The following ZMYM2 variants were observed in gnomAD, a reference collection of about 807,000 sequenced individuals.
ZMYM2 encodes zinc finger MYM-type containing 2.
In ZMYM2, 56 loss-of-function variants were observed where a neutral mutation model predicts 162.8. The ratio of observed to expected loss-of-function variants is 0.34; its 90% CI spans 0.28 to 0.43. The LOEUF is 0.43. Among genes scored for constraint, ZMYM2 ranks in the 20% least tolerant of loss-of-function variants. The probability of loss-of-function intolerance (pLI) is 1.00; values close to 1 mark genes in which losing one functional copy is unlikely to be tolerated. For missense variants in ZMYM2, 1,275 were observed against 1,621.8 expected (o/e 0.79, Z 3.67); for synonymous variants, 510 against 541.6 (o/e 0.94, Z 0.81).
the ZMYM2 span, among the ~76,000 whole-genome samples, chr13:19,917,756 T>C: frequency 6.6e-6 from 1 of 152,124 alleles, no homozygotes; most frequent in African/African-American, 2.4e-5. Flanking sequence ...TATTCATGAA[T>C]ATAGTATGAA....
chr13:20,011,887 T>G (rs990373234), intron 6 of ZMYM2, among the ~76,000 whole-genome samples: 20 of 152,088 alleles, frequency 1.3e-4, no homozygotes, highest in African/African-American at 4.6e-4. Flanking sequence ...TAGCTGGGAT[T>G]ACAGGCGCAC....
intron 9 of ZMYM2, among the ~76,000 whole-genome samples, chr13:20,028,823 TA>T (rs1471745025): frequency 6.6e-6 from 1 of 151,730 alleles, no homozygotes; most frequent in African/African-American, 2.4e-5. Context: ...TTTTTTTTTT[TA>T]ATTTTTGATC....
Position 20,067,321 on chromosome 13 carries a change from G to C in ZMYM2, c.3384G>C (p.Glu1128Asp). Residue 1128 changes from glutamate (E) to aspartate (D), a missense_variant, in exon 21 of 25, where the codon GAG (glutamate) becomes GAC (aspartate). Glu to Asp is a conservative substitution (Grantham distance 45, BLOSUM62 2). Transcript: ENST00000610343. ...LNYGLAHFVN[E>D]IRRPNGENYA... ...ATGGGTTAGCTCATTTTGTCAATGA[G>C]ATCCGACGGCCAAATGGAGAGAATT... 6.2e-7 allele frequency: 1 copy of C among 1,608,394 alleles called. No homozygotes were observed. Among genetic ancestry groups the C allele is most frequent in the South Asian group, 1.1e-5 (1 of 89,532 alleles).
intron 15 of ZMYM2, chr13:20,058,934 T>A: frequency 1.5e-6 from 1 of 646,520 alleles, no homozygotes; most frequent in Non-Finnish European, 2.7e-6. Flanking sequence ...ATGTCAAAAG[T>A]GAAAAAATAC....
At chr13:20,058,025 G>GACTGCATCTGT in intron 14 of ZMYM2, among the ~76,000 whole-genome samples, 1 of 152,202 alleles carries the variant, frequency 6.6e-6, no homozygotes. Context: ...ATATCTGAGA[G>GACTGCATCTGT]ACTGCATCTG....
In ZMYM2 at chr13:20,088,406, T is replaced by C. The variant is rs896224562; in HGVS notation, c.*2392T>C. ...GATTATAGATAGCATCCTGTAAATA[T>C]AACTTTATTGTCTTGAAATGTTTAT... On this transcript the variant is annotated 3_prime_UTR_variant, in exon 25 of 25. Transcript: ENST00000610343. 4 of 201,528 alleles carry C rather than the reference T, an allele frequency of 2.0e-5. No homozygotes were observed. The highest frequency in any genetic ancestry group is 9.2e-5 in the African/African-American group (4 of 43,626). 12.5% of individuals were successfully genotyped at this position (201,528 alleles called of 1,614,324 possible). A position where few individuals can be genotyped will look rare whatever the true frequency, so the allele number is the denominator to read the frequency against.
At chr13:20,075,864 T>C (rs818208) in intron 21 of ZMYM2, among the ~76,000 whole-genome samples, 6,039 of 151,098 alleles carry the variant, frequency 0.04, 378 homozygotes, top group African/African-American at 0.14. Context: ...GGGTTTTTTT[T>C]CCCCCCCATC....
chr13:19,966,212 G>A (rs1376650902), intron 2 of ZMYM2, among the ~76,000 whole-genome samples: 1 of 150,978 alleles, frequency 6.6e-6, no homozygotes, highest in Non-Finnish European at 1.5e-5. Context: ...TCGGCTCAAC[G>A]CAACCTCCGC....
intron 3 of ZMYM2, among the ~76,000 whole-genome samples, chr13:19,994,956 C>T (rs532836509): frequency 6.6e-6 from 1 of 150,490 alleles, no homozygotes; most frequent in African/African-American, 2.4e-5. Context: ...TCGCAGCCTC[C>T]AGAGTAGCTG....
chr13:19,985,504 T>C (rs979532747), intron 2 of ZMYM2, among the ~76,000 whole-genome samples: 2 of 149,202 alleles, frequency 1.3e-5, no homozygotes, highest in Admixed American at 7.0e-5. Flanking sequence ...ATTTTGAATA[T>C]TGATTTGGTT....
chr13:19,998,067 G>A (rs573610936), intron 3 of ZMYM2, among the ~76,000 whole-genome samples: 2 of 152,244 alleles, frequency 1.3e-5, no homozygotes, highest in South Asian at 4.1e-4. Flanking sequence ...CAGAAAAACT[G>A]TACACAAAGA....
upstream of ZMYM2, among the ~76,000 whole-genome samples, chr13:19,955,804 C>T (rs142001494): frequency 5.9e-5 from 9 of 152,196 alleles, 1 homozygote; most frequent in Admixed American, 1.3e-4. Flanking sequence ...CTGTTTATTA[C>T]TTTACTTTAC....
chr13:20,067,487 C>A, intron 21 of ZMYM2, 97 bp downstream of exon 21: 1 of 1,216,810 alleles, frequency 8.2e-7, no homozygotes, highest in Non-Finnish European at 1.1e-6. Flanking sequence ...ATTGACTTAC[C>A]AAGAAACACA....
intron 2 of ZMYM2, among the ~76,000 whole-genome samples, chr13:19,962,766 C>T (rs1955385531): frequency 6.6e-6 from 1 of 150,536 alleles, no homozygotes; most frequent in Admixed American, 6.6e-5. Flanking sequence ...TCAAGTTATT[C>T]GCCTGCCTCA....
At chr13:19,959,929 TAC>T (rs1955006448) in intron 1 of ZMYM2, 27 bp from the exon 2 acceptor site, 1 of 152,300 alleles carries the variant, frequency 6.6e-6, no homozygotes, top group Non-Finnish European at 1.5e-5. Context: ...GTGTTTTTGA[TAC>T]ATTTTTCTTT....
intron 21 of ZMYM2, among the ~76,000 whole-genome samples, chr13:20,078,151 A>T (rs1299904985): frequency 2.7e-5 from 4 of 150,662 alleles, no homozygotes; most frequent in East Asian, 1.9e-4. Flanking sequence ...GATACTTGAA[A>T]TTTTTTTTTT....
upstream of ZMYM2, among the ~76,000 whole-genome samples, chr13:19,954,184 G>A (rs368080684): frequency 1.4e-3 from 169 of 120,714 alleles, 1 homozygote; most frequent in Middle Eastern, 0.027. Context: ...GCTGGAGTGC[G>A]GTGGCACAAT....
At chr13:20,064,581 T>G in intron 19 of ZMYM2, 36 bp downstream of exon 19, 1 of 1,473,438 alleles carries the variant, frequency 6.8e-7, no homozygotes, top group Non-Finnish European at 9.1e-7. Flanking sequence ...ACAATATTTC[T>G]CTATAGGCAA....
the ZMYM2 span, among the ~76,000 whole-genome samples, chr13:19,928,810 AC>A: frequency 4.0e-5 from 6 of 149,924 alleles, no homozygotes; most frequent in South Asian, 2.1e-4. Context: ...AAAAAAAAAA[AC>A]AAAAACCCGT....
Sources: allele counts gnomAD v4.1 joint callset (sites outside exome capture counted in the v4.1 genomes callset), GRCh38; gene constraint gnomAD v4.1.1; transcripts MANE v1.5; gene names NCBI Gene and HGNC (gene_info 2026-07-23, HGNC 2026-07-21).